Variants in RAB10 observed in about 807,000 individuals in gnomAD.
The protein encoded by RAB10 is RAB10, member RAS oncogene family.
RAB10 carries 5 observed loss-of-function variants against 25.7 expected under a neutral mutation model. The observed-to-expected ratio is 0.19, with a 90% CI of 0.10 to 0.41. The LOEUF (loss-of-function observed/expected upper bound fraction) is 0.41. Ranked by LOEUF, RAB10 falls within the 10% of genes least tolerant of loss-of-function variation. RAB10 has a pLI of 1.00. For missense variants in RAB10, 103 were observed against 245.8 expected (o/e 0.42, Z 3.89); for synonymous variants, 89 against 86.4 (o/e 1.03, Z -0.16).
rs185855362 is a variant in RAB10, at chr2:26,078,725, T to A, written c.128-19937T>A. 2.0e-3 allele frequency among the ~76,000 whole-genome samples: 299 copies of A among 152,228 alleles called. 2 individuals are homozygous for A. The highest frequency in any genetic ancestry group is 1.3e-3 in the Non-Finnish European group (90 of 68,020). ...TAGGGTAGATACGAAGAAAATCACATTGAGGCACATCCTAGTCAAGTTACT... is the reference window on the plus strand; with the variant it reads ...TAGGGTAGATACGAAGAAAATCACAATGAGGCACATCCTAGTCAAGTTACT... On this transcript the variant is annotated intron_variant, in intron 1 of 5. Coordinates refer to ENST00000264710, the MANE Select transcript of RAB10 (RefSeq NM_016131.5).
chr2:26,104,154 CCTGA>C (rs1667417878), intron 2 of RAB10, among the ~76,000 whole-genome samples: 1 of 152,142 alleles, frequency 6.6e-6, no homozygotes, highest in African/African-American at 2.4e-5. Flanking sequence ...TGAGGAACTA[CCTGA>C]CTGTTTTCTA....
chr2:26,133,287 A>G (rs990239129), intron 5 of RAB10, among the ~76,000 whole-genome samples: 3 of 152,210 alleles, frequency 2.0e-5, no homozygotes, highest in Non-Finnish European at 4.4e-5. Context: ...GTTGTGATGA[A>G]CTACTGTTCT....
chr2:26,046,321 G>A (rs1428608359), intron 1 of RAB10, among the ~76,000 whole-genome samples: 4 of 148,768 alleles, frequency 2.7e-5, no homozygotes, highest in African/African-American at 7.5e-5. Context: ...GTGAAACTCC[G>A]TCTCAAAGAA....
At chr2:26,113,881 C>T (rs1368779792) in intron 3 of RAB10, among the ~76,000 whole-genome samples, 1 of 151,498 alleles carries the variant, frequency 6.6e-6, no homozygotes, top group South Asian at 2.1e-4. Context: ...AACTAATAAA[C>T]AAGTTCAGCA....
chr2:26,069,852 C>G (rs190425308), intron 1 of RAB10, among the ~76,000 whole-genome samples: 1 of 151,848 alleles, frequency 6.6e-6, no homozygotes, highest in Non-Finnish European at 1.5e-5. Flanking sequence ...ACTACAGGCA[C>G]GTGCCACCAT....
At chr2:26,087,937 T>C (rs1183319187) in intron 1 of RAB10, among the ~76,000 whole-genome samples, 1 of 152,230 alleles carries the variant, frequency 6.6e-6, no homozygotes, top group African/African-American at 2.4e-5. Flanking sequence ...AATACCCATA[T>C]TGGAAAATGA....
At chr2:26,109,685 G>C in intron 2 of RAB10, 83 bp from the exon 3 acceptor site, 8 of 1,339,402 alleles carry the variant, frequency 6.0e-6, no homozygotes, top group Non-Finnish European at 7.8e-6. Flanking sequence ...ATATACTTAG[G>C]AAAAACTATT....
chr2:26,084,783 G>A (rs1666942715), intron 1 of RAB10, among the ~76,000 whole-genome samples: 1 of 151,946 alleles, frequency 6.6e-6, no homozygotes, highest in African/African-American at 2.4e-5. Context: ...CGATACTTAT[G>A]GTTGCTTCTT....
At chr2:26,083,237 GTGT>G (rs1666904971) in intron 1 of RAB10, among the ~76,000 whole-genome samples, 1 of 152,130 alleles carries the variant, frequency 6.6e-6, no homozygotes, top group African/African-American at 2.4e-5. Flanking sequence ...TATTTAGACT[GTGT>G]TGTTATATAC....
rs145950512 is a variant in RAB10 at position 26,055,083 on chromosome 2, G to GA, written c.127+20358dup. 1.3e-3 allele frequency among the ~76,000 whole-genome samples: 198 copies of GA among 148,128 alleles called. 1 individual carries two copies. The highest frequency in any genetic ancestry group is 2.5e-3 in the Non-Finnish European group (166 of 66,982). On this transcript the variant is annotated intron_variant, in intron 1 of 5. Transcript: ENST00000264710. ...TAATCCCCTGTGTTTGCCATTTATT[G>GA]AAAAAAAAAATTGAGGCTTTTAATA...
At position 26,062,679 on chromosome 2, in the gene RAB10, A is replaced by AAAATAAATAAAT. The variant is rs10659551; in HGVS notation, c.127+27960_127+27971dup. Among the ~76,000 whole-genome samples the AAAATAAATAAAT allele has an allele frequency of 6.6e-3, 987 of 148,488 alleles. 5 individuals are homozygous for AAAATAAATAAAT. Among genetic ancestry groups the AAAATAAATAAAT allele is most frequent in the Non-Finnish European group, 9.3e-3 (621 of 67,100 alleles). ...GGCAATAGAGCGAGACTCTGTCTCAAAAATAAATAAATAAATAAATAAATA... is the reference window on the plus strand; with the variant it reads ...GGCAATAGAGCGAGACTCTGTCTCAAAAATAAATAAATAAATAAATAAATAAATAAATAAATA... On this transcript the variant is annotated intron_variant, in intron 1 of 5. Transcript: ENST00000264710.
chr2:26,125,926 T>G (rs1048241517), intron 3 of RAB10, among the ~76,000 whole-genome samples: 4 of 152,166 alleles, frequency 2.6e-5, no homozygotes, highest in Non-Finnish European at 5.9e-5. Flanking sequence ...TTTGGTATCA[T>G]GTCAAAGAAA....
chr2:26,089,064 A>G (rs1055550968), intron 1 of RAB10, among the ~76,000 whole-genome samples: 6 of 152,194 alleles, frequency 3.9e-5, no homozygotes, highest in African/African-American at 1.4e-4. Context: ...TACAGGAGAA[A>G]AACTGGAGGG....
intron 3 of RAB10, among the ~76,000 whole-genome samples, chr2:26,118,091 G>A (rs1309202832): frequency 6.6e-6 from 1 of 151,666 alleles, no homozygotes; most frequent in African/African-American, 2.4e-5. Context: ...TCCTGCCTCA[G>A]CCTCCTGAGT....
intron 1 of RAB10, among the ~76,000 whole-genome samples, chr2:26,082,902 C>G (rs1169891504): frequency 6.6e-6 from 1 of 152,018 alleles, no homozygotes; most frequent in Admixed American, 6.6e-5. Flanking sequence ...CATCATGACT[C>G]AAATGGACTT....
intron 1 of RAB10, among the ~76,000 whole-genome samples, chr2:26,065,838 TTA>T (rs776759971): frequency 1.3e-5 from 2 of 152,198 alleles, no homozygotes; most frequent in Non-Finnish European, 2.9e-5. Flanking sequence ...TGGTAAAATA[TTA>T]TAGTCTTTTT....
intron 1 of RAB10, among the ~76,000 whole-genome samples, chr2:26,088,831 G>A (rs1448836219): frequency 6.6e-6 from 1 of 151,920 alleles, no homozygotes; most frequent in Non-Finnish European, 1.5e-5. Context: ...CACCGTGTTG[G>A]CAAGACTGGT....
intron 1 of RAB10, among the ~76,000 whole-genome samples, chr2:26,052,689 A>T (rs776002363): frequency 9.9e-5 from 15 of 151,970 alleles, no homozygotes; most frequent in Non-Finnish European, 1.9e-4. Context: ...CATTGTACAC[A>T]TTTGTATTTA....
intron 1 of RAB10, among the ~76,000 whole-genome samples, chr2:26,054,149 G>C (rs548291640): frequency 6.7e-6 from 1 of 148,782 alleles, no homozygotes; most frequent in African/African-American, 2.5e-5. Flanking sequence ...CCAGGTTCAA[G>C]CAATTCTCCT....
Sources: allele counts gnomAD v4.1 joint callset (sites outside exome capture counted in the v4.1 genomes callset), GRCh38; gene constraint gnomAD v4.1.1; transcripts MANE v1.5; gene names NCBI Gene and HGNC (gene_info 2026-07-23, HGNC 2026-07-21).